ABTB3: variants seen among roughly 807,000 people sequenced by gnomAD.
ABTB3 encodes ankyrin repeat- and BTB/POZ domain-containing protein 3.
At chr12:107,473,548 T>C in the ABTB3 span, among the ~76,000 whole-genome samples, 4 of 152,180 alleles carry the variant, frequency 2.6e-5, no homozygotes, top group Non-Finnish European at 5.9e-5. Context: ...GAGACGGGGT[T>C]TCACCATGTG....
chr12:107,469,866 T>TTTCC, the ABTB3 span, among the ~76,000 whole-genome samples: 7 of 75,572 alleles, frequency 9.3e-5, no homozygotes, highest in East Asian at 1.6e-3. Context: ...TCTTTCTTTC[T>TTTCC]TTTCTTTCTT....
chr12:107,640,526 C>A, the ABTB3 span: 1 of 623,834 alleles, frequency 1.6e-6, no homozygotes. Flanking sequence ...GTCATCTTCA[C>A]AAAATCAAGA....
chr12:107,471,665 T>A, the ABTB3 span, among the ~76,000 whole-genome samples: 2 of 152,142 alleles, frequency 1.3e-5, no homozygotes, highest in Non-Finnish European at 2.9e-5. Context: ...CTGGCATCCC[T>A]GGCAAGAGAC....
At chr12:107,620,958 G>A in the ABTB3 span, among the ~76,000 whole-genome samples, 15 of 152,116 alleles carry the variant, frequency 9.9e-5, no homozygotes, top group African/African-American at 3.6e-4. Flanking sequence ...GGTCTACTAC[G>A]GAGCCTGGGA....
chr12:107,567,063 G>A, the ABTB3 span, among the ~76,000 whole-genome samples: 2 of 152,210 alleles, frequency 1.3e-5, no homozygotes, highest in Non-Finnish European at 2.9e-5. Context: ...GCTGCAGTGA[G>A]CCAAGAGATT....
At chr12:107,576,979 C>G in the ABTB3 span, among the ~76,000 whole-genome samples, 1 of 152,160 alleles carries the variant, frequency 6.6e-6, no homozygotes, top group East Asian at 1.9e-4. Flanking sequence ...TTCCTAAGGC[C>G]CCAGCAACTG....
the ABTB3 span, among the ~76,000 whole-genome samples, chr12:107,473,825 G>A: frequency 1.2e-4 from 17 of 139,602 alleles, no homozygotes; most frequent in South Asian, 4.6e-4. Context: ...TTTTTGAGAC[G>A]GAGTCTTGCT....
At chr12:107,525,181 G>T in the ABTB3 span, among the ~76,000 whole-genome samples, 2 of 151,958 alleles carry the variant, frequency 1.3e-5, no homozygotes, top group East Asian at 3.9e-4. Context: ...AACAAAATTA[G>T]CCAGGTGTGG....
chr12:107,395,910 A>G, the ABTB3 span, among the ~76,000 whole-genome samples: 1 of 152,240 alleles, frequency 6.6e-6, no homozygotes, highest in East Asian at 1.9e-4. Flanking sequence ...TACTCATAGT[A>G]TCGTGTGGTG....
the ABTB3 span, among the ~76,000 whole-genome samples, chr12:107,537,901 C>G: frequency 6.6e-6 from 1 of 152,136 alleles, no homozygotes; most frequent in Non-Finnish European, 1.5e-5. Flanking sequence ...TAGGGCTGCC[C>G]ACAGCCTGCG....
chr12:107,360,875 T>A, the ABTB3 span, among the ~76,000 whole-genome samples: 2 of 151,510 alleles, frequency 1.3e-5, no homozygotes, highest in African/African-American at 4.9e-5. Context: ...TTCCTCAGCC[T>A]CCTGAGTAGC....
Sources: allele counts gnomAD v4.1 joint callset (sites outside exome capture counted in the v4.1 genomes callset), GRCh38; gene constraint gnomAD v4.1.1; transcripts MANE v1.5; gene names NCBI Gene and HGNC (gene_info 2026-07-23, HGNC 2026-07-21).